The following SCYL3 variants were observed in gnomAD, a reference collection of about 807,000 sequenced individuals.
SCYL3 encodes SCY1 like pseudokinase 3.
SCYL3 carries 35 observed loss-of-function variants against 73.8 expected under a neutral mutation model. The ratio of observed to expected loss-of-function variants is 0.47; its 90% CI spans 0.36 to 0.63. The LOEUF (loss-of-function observed/expected upper bound fraction) is 0.63. SCYL3 is among the 20% of genes least tolerant of loss of function. The pLI is 0.00. For synonymous variants in SCYL3, 277 were observed against 295.2 expected (o/e 0.94, Z 0.63); for missense variants, 712 against 798.9 (o/e 0.89, Z 1.31).
chr1:169,884,312 T>C (rs1661519202), intron 2 of SCYL3, among the ~76,000 whole-genome samples: 1 of 152,190 alleles, frequency 6.6e-6, no homozygotes, highest in Admixed American at 6.5e-5. Flanking sequence ...TTGTTTTGTT[T>C]TTGAGACAGA....
In SCYL3 at chr1:169,853,587, A is replaced by G; in HGVS notation, c.*126T>C. On this transcript the variant is annotated 3_prime_UTR_variant, in exon 13 of 13. Transcript: ENST00000367771. ...TACTTCAGTTGGCACAGACTGGATA[A>G]TGAGCTCCTGGGATGGGAAAAGCAG... 2.1e-6 allele frequency: 2 copies of G among 954,298 alleles called. No individual in the cohort carries two copies. Among genetic ancestry groups the G allele is most frequent in the Admixed American group, 4.1e-5 (2 of 49,086 alleles). The allele number at this position is 954,298 out of a possible 1,614,324, so 59.1% of individuals were successfully genotyped here.
At chr1:169,871,910 G>A (rs1172674993) in intron 5 of SCYL3, among the ~76,000 whole-genome samples, 2 of 152,332 alleles carry the variant, frequency 1.3e-5, no homozygotes, top group East Asian at 3.9e-4. Flanking sequence ...GCATTCAAGA[G>A]GTGACTTGGG....
At chr1:169,855,077 T>C in intron 11 of SCYL3, 113 bp from the exon 12 acceptor site, 1 of 720,180 alleles carries the variant, frequency 1.4e-6, no homozygotes, top group South Asian at 2.0e-5. Context: ...CTTGGAAATA[T>C]CCATGCATAC....
At chr1:169,891,118 T>C (rs1298821637) in intron 1 of SCYL3, among the ~76,000 whole-genome samples, 2 of 152,164 alleles carry the variant, frequency 1.3e-5, no homozygotes, top group Non-Finnish European at 2.9e-5. Flanking sequence ...CCCCCAGGAA[T>C]TTGAACTAAG....
intron 1 of SCYL3, among the ~76,000 whole-genome samples, 186 bp downstream of exon 1, chr1:169,893,602 G>C (rs1190338805): frequency 6.6e-6 from 1 of 151,964 alleles, no homozygotes; most frequent in Admixed American, 6.5e-5. Flanking sequence ...AGCAAGGGGA[G>C]GCTGCTCCGA....
chr1:169,886,895 T>C (rs2102212584), intron 2 of SCYL3, among the ~76,000 whole-genome samples: 1 of 152,304 alleles, frequency 6.6e-6, no homozygotes, highest in East Asian at 1.9e-4. Flanking sequence ...TGTTATCCAG[T>C]AACAGAAAAC....
intron 2 of SCYL3, among the ~76,000 whole-genome samples, chr1:169,883,031 A>G (rs1661408011): frequency 6.6e-6 from 1 of 152,046 alleles, no homozygotes; most frequent in African/African-American, 2.4e-5. Flanking sequence ...CTTTGGGTCC[A>G]CACTGCCTTT....
At position 169,853,544 on chromosome 1, in the gene SCYL3, C is replaced by T. The variant is rs1658701330; in HGVS notation, c.*169G>A. On this transcript the variant is annotated 3_prime_UTR_variant, in exon 13 of 13. Transcript: ENST00000367771. The stretch of plus-strand genomic sequence containing the variant: ...CTCACCACCCAGGGCTTTTAGCCAG[C>T]ACTCACAGTCAGTCTCCTACTTCAG... 1 of 668,946 alleles carries T rather than the reference C, an allele frequency of 1.5e-6. No homozygotes were observed. The highest frequency in any genetic ancestry group is 2.7e-5 in the Admixed American group (1 of 37,320). 41.4% of individuals were successfully genotyped at this position (668,946 alleles called of 1,614,324 possible).
chr1:169,874,663 T>C (rs1181847436), intron 4 of SCYL3, among the ~76,000 whole-genome samples: 3 of 152,108 alleles, frequency 2.0e-5, no homozygotes, highest in East Asian at 3.9e-4. Flanking sequence ...CGGTGGCTCA[T>C]ATCTGTAATC....
chr1:169,871,666 A>G (rs1158129797), intron 5 of SCYL3, among the ~76,000 whole-genome samples: 1 of 152,192 alleles, frequency 6.6e-6, no homozygotes, highest in Non-Finnish European at 1.5e-5. Flanking sequence ...GGAATTTCCT[A>G]GAGACTTGTT....
chr1:169,854,073 TAAAC>T (rs1658843179), intron 12 of SCYL3, 193 bp downstream of exon 12: 3 of 587,306 alleles, frequency 5.1e-6, no homozygotes, highest in South Asian at 4.8e-5. Context: ...AATAGCTCAT[TAAAC>T]AAACTAAGCA....
intron 1 of SCYL3, among the ~76,000 whole-genome samples, chr1:169,891,165 G>A (rs1317860687): frequency 6.6e-6 from 1 of 152,228 alleles, no homozygotes; most frequent in African/African-American, 2.4e-5. Flanking sequence ...GCCGAAGGTA[G>A]AAGGATGCTA....
Position 169,853,403 on chromosome 1 carries a change from G to T in SCYL3, c.*310C>A, listed in dbSNP as rs144322041. 2.3e-4 allele frequency: 84 copies of T among 364,836 alleles called. No individual in the cohort carries two copies. Among genetic ancestry groups the T allele is most frequent in the Middle Eastern group, 2.3e-3 (3 of 1,330 alleles). The allele number at this position is 364,836 out of a possible 1,614,324, so 22.6% of individuals were successfully genotyped here. A position where few individuals can be genotyped will look rare whatever the true frequency, so the allele number is the denominator to read the frequency against. ...TTGAATTACATTTTCTTTACTTCCAGAATTGTCCTGGAAAAAGCAGTAAAT... is the reference window on the plus strand; with the variant it reads ...TTGAATTACATTTTCTTTACTTCCATAATTGTCCTGGAAAAAGCAGTAAAT... On this transcript the variant is annotated 3_prime_UTR_variant, in exon 13 of 13. Coordinates refer to ENST00000367771, the MANE Select transcript of SCYL3 (RefSeq NM_020423.7).
intron 5 of SCYL3, among the ~76,000 whole-genome samples, chr1:169,872,731 C>T (rs890888402): frequency 6.6e-6 from 1 of 152,312 alleles, no homozygotes; most frequent in African/African-American, 2.4e-5. Context: ...CAGCGTGACC[C>T]GGATGCGAGA....
chr1:169,887,374 T>G (rs909648352), intron 2 of SCYL3, among the ~76,000 whole-genome samples: 56 of 152,170 alleles, frequency 3.7e-4, no homozygotes, highest in African/African-American at 1.3e-3. Flanking sequence ...TTATTCAATT[T>G]TCTTGGTACG....
At chr1:169,865,010 G>C (rs1659937076) in intron 8 of SCYL3, among the ~76,000 whole-genome samples, 1 of 149,642 alleles carries the variant, frequency 6.7e-6, no homozygotes, top group African/African-American at 2.5e-5. Context: ...AGCAAAGCCA[G>C]CTAGTCAGCA....
chr1:169,877,553 T>C (rs927849275), intron 3 of SCYL3, among the ~76,000 whole-genome samples: 2 of 152,216 alleles, frequency 1.3e-5, no homozygotes, highest in Non-Finnish European at 2.9e-5. Context: ...AAGGAAGGTT[T>C]AGAATAGTGT....
intron 12 of SCYL3, 89 bp from the exon 13 acceptor site, chr1:169,853,861 T>TTTATC (rs1658764150): frequency 2.1e-6 from 3 of 1,462,402 alleles, no homozygotes; most frequent in South Asian, 1.1e-5. Context: ...GAATTTAAAA[T>TTTATC]TTATCTTTTG....
intron 10 of SCYL3, among the ~76,000 whole-genome samples, chr1:169,861,267 C>A: frequency 6.6e-6 from 1 of 152,098 alleles, no homozygotes; most frequent in East Asian, 1.9e-4. Flanking sequence ...GAGAATGAGG[C>A]AAAAATGACT....
Sources: gnomAD v4.1 joint callset for allele counts (sites outside exome capture counted in the v4.1 genomes callset) on GRCh38, gnomAD v4.1.1 for gene constraint, MANE v1.5 for transcripts, NCBI Gene and HGNC (gene_info 2026-07-23, HGNC 2026-07-21) for gene names.